The following TCF4 variants were observed in gnomAD, a reference collection of about 807,000 sequenced individuals.
The protein encoded by TCF4 is SL3-3 enhancer factor 2.
A neutral mutation model predicts 82.1 loss-of-function variants in TCF4; 3 were observed. That is an observed-to-expected ratio of 0.04 (90% CI 0.02 to 0.09). The LOEUF (loss-of-function observed/expected upper bound fraction) is 0.09, where lower values mean the gene tolerates loss of function less well. TCF4 is among the 10% of genes least tolerant of loss of function. TCF4 has a pLI of 1.00. For synonymous variants in TCF4, 276 were observed against 309.6 expected (o/e 0.89, Z 1.14); for missense variants, 518 against 852.7 (o/e 0.61, Z 4.89).
intron 8 of TCF4, among the ~76,000 whole-genome samples, chr18:55,300,627 C>T (rs1204036052): frequency 1.3e-5 from 2 of 152,122 alleles, no homozygotes; most frequent in African/African-American, 4.8e-5. Flanking sequence ...GACAAACATG[C>T]GAAGGGCCTC....
intron 8 of TCF4, among the ~76,000 whole-genome samples, chr18:55,303,037 T>C (rs1456189292): frequency 6.6e-6 from 1 of 152,182 alleles, no homozygotes; most frequent in Admixed American, 6.5e-5. Flanking sequence ...TGGACTTCCT[T>C]AACTCTTTGA....
chr18:55,569,156 A>T (rs1301322131), intron 3 of TCF4, among the ~76,000 whole-genome samples: 1 of 151,918 alleles, frequency 6.6e-6, no homozygotes, highest in African/African-American at 2.4e-5. Context: ...CAAGATAATC[A>T]GTATTGCCAT....
intron 6 of TCF4, among the ~76,000 whole-genome samples, chr18:55,365,967 T>TATAGATATAG (rs1491391871): frequency 3.1e-4 from 1 of 3,270 alleles, no homozygotes; most frequent in Non-Finnish European, 4.8e-4. Flanking sequence ...TAAAATTGTT[T>TATAGATATAG]ATAGATATAG....
chr18:55,223,774 A>C lies in TCF4; in HGVS notation c.*4261T>G, dbSNP rs915639661. 2.6e-5 allele frequency: 4 copies of C among 151,506 alleles called. No individual in the cohort carries two copies. Among genetic ancestry groups the C allele is most frequent in the African/African-American group, 9.7e-5 (4 of 41,116 alleles). 9.4% of individuals were successfully genotyped at this position (151,506 alleles called of 1,614,324 possible). A position where few individuals can be genotyped will look rare whatever the true frequency, so the allele number is the denominator to read the frequency against. On this transcript the variant is annotated 3_prime_UTR_variant, in exon 20 of 20. Transcript: ENST00000354452. ...GCAGCTATGTGTACAGTCGCAAAAAATTTCCCCGCTGCGACCTACAACTAA... is the reference window on the plus strand; with the variant it reads ...GCAGCTATGTGTACAGTCGCAAAAACTTTCCCCGCTGCGACCTACAACTAA...
At chr18:55,510,646 C>G in intron 3 of TCF4, 2 of 1,505,716 alleles carry the variant, frequency 1.3e-6, no homozygotes, top group Non-Finnish European at 1.8e-6. Flanking sequence ...GATTAAAATT[C>G]TAAAATACTA....
At chr18:55,394,424 A>C (rs1220051692) in intron 6 of TCF4, among the ~76,000 whole-genome samples, 1 of 152,200 alleles carries the variant, frequency 6.6e-6, no homozygotes, top group East Asian at 1.9e-4. Flanking sequence ...TCTGGTATTC[A>C]AGTCATAGAA....
intron 5 of TCF4, among the ~76,000 whole-genome samples, chr18:55,459,106 A>G (rs1303277218): frequency 2.0e-5 from 3 of 152,130 alleles, no homozygotes; most frequent in Non-Finnish European, 4.4e-5. Flanking sequence ...TCCTATCACA[A>G]TGCAGGAGAC....
At chr18:55,445,662 C>T (rs2095513037) in intron 5 of TCF4, among the ~76,000 whole-genome samples, 1 of 152,142 alleles carries the variant, frequency 6.6e-6, no homozygotes, top group African/African-American at 2.4e-5. Context: ...CACAGCCAAG[C>T]CATATCAACC....
chr18:55,394,566 G>A (rs917171100), intron 6 of TCF4, among the ~76,000 whole-genome samples: 6 of 152,122 alleles, frequency 3.9e-5, no homozygotes, highest in Admixed American at 3.9e-4. Flanking sequence ...GAAGTGCCGG[G>A]CGAAAGTCGC....
At chr18:55,557,342 A>G (rs754567228) in intron 3 of TCF4, among the ~76,000 whole-genome samples, 113 of 152,146 alleles carry the variant, frequency 7.4e-4, no homozygotes, top group Non-Finnish European at 2.6e-4. Context: ...GGAAGCTGAC[A>G]CAAGAGGATC....
At chr18:55,523,391 C>T (rs977631099) in intron 3 of TCF4, among the ~76,000 whole-genome samples, 3 of 151,884 alleles carry the variant, frequency 2.0e-5, no homozygotes, top group Admixed American at 2.0e-4. Context: ...GGAAACACTA[C>T]AGCACACATA....
intron 3 of TCF4, among the ~76,000 whole-genome samples, chr18:55,554,806 T>C (rs2097290423): frequency 6.6e-6 from 1 of 152,202 alleles, no homozygotes; most frequent in African/African-American, 2.4e-5. Flanking sequence ...CCATAAAGGT[T>C]TGTGAAACCA....
At chr18:55,568,531 A>G (rs866233903) in intron 3 of TCF4, among the ~76,000 whole-genome samples, 2 of 151,954 alleles carry the variant, frequency 1.3e-5, no homozygotes, top group South Asian at 2.1e-4. Flanking sequence ...ACACATCCAT[A>G]TAAGTTTATA....
chr18:55,234,768 G>C (rs953638767), intron 15 of TCF4, 85 bp from the exon 16 acceptor site: 11 of 1,602,666 alleles, frequency 6.9e-6, no homozygotes, highest in Admixed American at 1.7e-5. Flanking sequence ...CCTGATGAAG[G>C]CTGGCTTTTC....
At chr18:55,624,361 C>T (rs1359938549) in intron 2 of TCF4, among the ~76,000 whole-genome samples, 1 of 152,040 alleles carries the variant, frequency 6.6e-6, no homozygotes, top group Non-Finnish European at 1.5e-5. Context: ...ACAAGGCTGC[C>T]TTCCTCTCAC....
intron 11 of TCF4, among the ~76,000 whole-genome samples, chr18:55,262,090 A>G (rs967446660): frequency 6.6e-6 from 1 of 152,222 alleles, no homozygotes; most frequent in African/African-American, 2.4e-5. Flanking sequence ...TATTCTCCAC[A>G]TATTTAAAAG....
At chr18:55,323,087 CT>C (rs1370625564) in intron 8 of TCF4, among the ~76,000 whole-genome samples, 1 of 151,942 alleles carries the variant, frequency 6.6e-6, no homozygotes, top group Non-Finnish European at 1.5e-5. Flanking sequence ...TATTTATTGT[CT>C]TTTAAAAATA....
chr18:55,273,563 T>C lies in TCF4; in HGVS notation c.789+2056A>G, dbSNP rs112409752. ...TAAATACTGAAAGTACAATGACAAC[T>C]AGATATAATAATTCAATAGTTTCAC... On this transcript the variant is annotated intron_variant, in intron 10 of 19. Transcript: ENST00000354452. Among the ~76,000 whole-genome samples the C allele has an allele frequency of 5.1e-3, 772 of 152,260 alleles. 6 individuals are homozygous for C. Among genetic ancestry groups the C allele is most frequent in the South Asian group, 8.7e-3 (42 of 4,832 alleles).
intron 3 of TCF4, among the ~76,000 whole-genome samples, chr18:55,484,119 T>C (rs540070408): frequency 1.3e-5 from 2 of 152,278 alleles, no homozygotes; most frequent in South Asian, 4.1e-4. Flanking sequence ...TTTCTTATGT[T>C]ATGAGAGAGA....
Sources: gnomAD v4.1 joint callset for allele counts (sites outside exome capture counted in the v4.1 genomes callset) on GRCh38, gnomAD v4.1.1 for gene constraint, MANE v1.5 for transcripts, NCBI Gene and HGNC (gene_info 2026-07-23, HGNC 2026-07-21) for gene names.